TMEM132B: variants seen among roughly 807,000 people sequenced by gnomAD.
TMEM132B encodes the protein transmembrane protein 132B.
In TMEM132B, 18 loss-of-function variants were observed where a neutral mutation model predicts 90.8. The observed-to-expected ratio is 0.20, with a 90% CI of 0.14 to 0.29. The LOEUF is 0.29. Ranked by LOEUF, TMEM132B falls within the 10% of genes least tolerant of loss-of-function variation. TMEM132B has a pLI of 1.00. For synonymous variants in TMEM132B, 504 were observed against 523.3 expected, an observed-to-expected ratio of 0.96 and a Z score of 0.50; for missense variants, 1,096 against 1,326.8, an observed-to-expected ratio of 0.83 and a Z score of 2.70.
intron 3 of TMEM132B, 113 bp from the exon 4 acceptor site, chr12:125,519,326 C>T (rs1883245873): frequency 8.8e-7 from 1 of 1,142,438 alleles, no homozygotes; most frequent in Non-Finnish European, 1.2e-6. Flanking sequence ...AGTTGTTGAA[C>T]TTGGCAGTCA....
At chr12:125,512,184 T>C (rs1210661521) in intron 3 of TMEM132B, among the ~76,000 whole-genome samples, 4 of 152,088 alleles carry the variant, frequency 2.6e-5, no homozygotes, top group African/African-American at 9.7e-5. Flanking sequence ...ACATGATAAG[T>C]GAGTAAAGTG....
intron 2 of TMEM132B, among the ~76,000 whole-genome samples, chr12:125,390,815 G>A (rs61943147): frequency 9.0e-5 from 2 of 22,252 alleles, no homozygotes; most frequent in Non-Finnish European, 7.5e-5. Flanking sequence ...CTGAAACCTC[G>A]AGAGAGAGAG....
At chr12:125,607,893 A>G (rs1364191269) in intron 5 of TMEM132B, among the ~76,000 whole-genome samples, 4 of 152,232 alleles carry the variant, frequency 2.6e-5, no homozygotes, top group African/African-American at 9.6e-5. Context: ...TTCACATAGC[A>G]TAATAGTTTC....
chr12:125,623,956 G>A (rs1886171689), intron 5 of TMEM132B, among the ~76,000 whole-genome samples: 1 of 152,212 alleles, frequency 6.6e-6, no homozygotes, highest in African/African-American at 2.4e-5. Context: ...GTGCCAAGAT[G>A]TTAAGATTCT....
chr12:125,253,244 C>T (rs982853570), intron 1 of TMEM132B, among the ~76,000 whole-genome samples: 5 of 152,116 alleles, frequency 3.3e-5, no homozygotes, highest in Admixed American at 2.6e-4. Flanking sequence ...TGAGTGTTGC[C>T]GTTGGTTCAT....
intron 4 of TMEM132B, among the ~76,000 whole-genome samples, chr12:125,555,589 A>G (rs911671686): frequency 5.3e-4 from 78 of 147,914 alleles, no homozygotes; most frequent in African/African-American, 1.9e-3. Context: ...GGGGAGGGAT[A>G]GCATTAGGAG....
chr12:125,346,534 T>G (rs2136228238), intron 1 of TMEM132B, among the ~76,000 whole-genome samples: 1 of 152,340 alleles, frequency 6.6e-6, no homozygotes, highest in African/African-American at 2.4e-5. Context: ...TCACCTGAAT[T>G]TCACTTCCTG....
intron 1 of TMEM132B, among the ~76,000 whole-genome samples, chr12:125,318,763 A>G (rs1233637792): frequency 1.3e-5 from 2 of 152,154 alleles, no homozygotes; most frequent in Non-Finnish European, 2.9e-5. Flanking sequence ...CCAGTCTACC[A>G]TTGATGGGCA....
intron 1 of TMEM132B, among the ~76,000 whole-genome samples, chr12:125,232,523 C>T (rs538667001): frequency 6.6e-6 from 1 of 152,012 alleles, no homozygotes; most frequent in African/African-American, 2.4e-5. Flanking sequence ...GATGAATTCC[C>T]AGCCAATAAA....
intron 1 of TMEM132B, among the ~76,000 whole-genome samples, chr12:125,191,930 G>A (rs1200109613): frequency 6.6e-6 from 1 of 152,164 alleles, no homozygotes; most frequent in Non-Finnish European, 1.5e-5. Flanking sequence ...CAAGAAAGAG[G>A]TTCATAAATA....
intron 1 of TMEM132B, among the ~76,000 whole-genome samples, chr12:125,242,809 C>T (rs1438917322): frequency 1.3e-5 from 2 of 152,192 alleles, no homozygotes; most frequent in Admixed American, 1.3e-4. Flanking sequence ...GCCCACTGCT[C>T]CATCCTGTTA....
intron 4 of TMEM132B, among the ~76,000 whole-genome samples, chr12:125,570,524 GCTCTGT>G (rs932117429): frequency 1.4e-4 from 21 of 152,180 alleles, no homozygotes; most frequent in African/African-American, 4.8e-4. Flanking sequence ...ACATTTTATT[GCTCTGT>G]CTCTGAGTGC....
intron 4 of TMEM132B, among the ~76,000 whole-genome samples, chr12:125,562,677 A>G (rs1003753732): frequency 2.0e-5 from 3 of 151,762 alleles, no homozygotes; most frequent in African/African-American, 7.3e-5. Flanking sequence ...ATCTGGTGGG[A>G]GGTAATTGAA....
intron 4 of TMEM132B, among the ~76,000 whole-genome samples, chr12:125,563,761 AG>A (rs945490431): frequency 7.0e-4 from 107 of 152,224 alleles, no homozygotes; most frequent in African/African-American, 2.4e-3. Context: ...AAAAAAGGAG[AG>A]GGGGCTTAAG....
chr12:125,197,725 T>C (rs1423855460), intron 1 of TMEM132B, among the ~76,000 whole-genome samples: 1 of 152,236 alleles, frequency 6.6e-6, no homozygotes, highest in Non-Finnish European at 1.5e-5. Context: ...TGTGAATGTA[T>C]GTTTATAGGA....
chr12:125,266,055 C>T (rs999181305), intron 1 of TMEM132B, among the ~76,000 whole-genome samples: 1 of 152,026 alleles, frequency 6.6e-6, no homozygotes, highest in African/African-American at 2.4e-5. Context: ...ATGGTGAAAC[C>T]CTGTCTCTAC....
intron 5 of TMEM132B, among the ~76,000 whole-genome samples, chr12:125,603,188 G>T (rs979775736): frequency 2.6e-5 from 4 of 152,154 alleles, no homozygotes; most frequent in Non-Finnish European, 4.4e-5. Flanking sequence ...GAGGCATCAT[G>T]CTACCTGACT....
intron 5 of TMEM132B, among the ~76,000 whole-genome samples, chr12:125,630,899 G>A (rs1220243313): frequency 6.6e-6 from 1 of 151,910 alleles, no homozygotes; most frequent in Non-Finnish European, 1.5e-5. Flanking sequence ...ATTCATCCAT[G>A]TTCACACAAA....
At chr12:125,507,843 C>T (rs1882883573) in intron 3 of TMEM132B, among the ~76,000 whole-genome samples, 1 of 152,132 alleles carries the variant, frequency 6.6e-6, no homozygotes, top group African/African-American at 2.4e-5. Flanking sequence ...AACACAAGCA[C>T]TCTGGCTGCT....
Sources: gnomAD v4.1 joint callset for allele counts (sites outside exome capture counted in the v4.1 genomes callset) on GRCh38, gnomAD v4.1.1 for gene constraint, MANE v1.5 for transcripts, NCBI Gene and HGNC (gene_info 2026-07-23, HGNC 2026-07-21) for gene names.